Variants in NBEA observed in about 807,000 individuals in gnomAD.
NBEA encodes lysosomal-trafficking regulator 2.
NBEA carries 44 observed loss-of-function variants against 343.4 expected under a neutral mutation model. That is an observed-to-expected ratio of 0.13 (90% CI 0.10 to 0.16). NBEA has a LOEUF of 0.16. Ranked by LOEUF, NBEA falls within the 10% of genes least tolerant of loss-of-function variation. The probability of loss-of-function intolerance (pLI) is 1.00; values close to 1 mark genes in which losing one functional copy is unlikely to be tolerated. For synonymous variants in NBEA, 1,175 were observed against 1,238.7 expected (o/e 0.95, Z 1.08); for missense variants, 2,555 against 3,631.3 (o/e 0.70, Z 7.62).
intron 36 of NBEA, among the ~76,000 whole-genome samples, chr13:35,329,612 C>T (rs879007008): frequency 1.3e-5 from 2 of 152,014 alleles, no homozygotes; most frequent in South Asian, 4.1e-4. Flanking sequence ...CACATGATTC[C>T]ATTTATGTGA....
intron 39 of NBEA, among the ~76,000 whole-genome samples, chr13:35,449,513 T>A (rs533059787): frequency 6.6e-6 from 1 of 152,226 alleles, no homozygotes; most frequent in Admixed American, 6.5e-5. Flanking sequence ...TCCAGAAATA[T>A]AGCTGAGAAG....
chr13:35,057,372 C>T (rs907934747), intron 7 of NBEA, among the ~76,000 whole-genome samples: 1 of 152,106 alleles, frequency 6.6e-6, no homozygotes, highest in African/African-American at 2.4e-5. Context: ...GACCCTCCCC[C>T]TGTTTCTGGT....
chr13:35,498,854 C>G (rs1566226671), intron 41 of NBEA, among the ~76,000 whole-genome samples: 1 of 152,008 alleles, frequency 6.6e-6, no homozygotes, highest in Non-Finnish European at 1.5e-5. Flanking sequence ...CTCAGTTATG[C>G]CTGGTACAAA....
intron 1 of NBEA, among the ~76,000 whole-genome samples, chr13:34,956,654 G>A (rs1422150839): frequency 6.6e-6 from 1 of 151,996 alleles, no homozygotes; most frequent in Non-Finnish European, 1.5e-5. Context: ...TAATTTCTTT[G>A]TGATAAGAAC....
At chr13:35,012,124 A>C (rs1456813028) in intron 1 of NBEA, among the ~76,000 whole-genome samples, 1 of 152,228 alleles carries the variant, frequency 6.6e-6, no homozygotes, top group African/African-American at 2.4e-5. Context: ...ACTATAATAG[A>C]ATAGTACAGA....
intron 36 of NBEA, among the ~76,000 whole-genome samples, chr13:35,323,729 TAAATA>T (rs1336054785): frequency 2.0e-5 from 3 of 151,716 alleles, no homozygotes; most frequent in Non-Finnish European, 2.9e-5. Context: ...AATAAATAAA[TAAATA>T]AAATAAAATA....
At chr13:34,989,514 T>A (rs2060673902) in intron 1 of NBEA, among the ~76,000 whole-genome samples, 2 of 150,622 alleles carry the variant, frequency 1.3e-5, no homozygotes, top group South Asian at 4.2e-4. Context: ...AACCAAATCT[T>A]ATGGGAACTC....
intron 33 of NBEA, among the ~76,000 whole-genome samples, chr13:35,212,207 T>C (rs1171562044): frequency 6.6e-6 from 1 of 152,186 alleles, no homozygotes; most frequent in African/African-American, 2.4e-5. Flanking sequence ...ACCCTGACTT[T>C]TAATACTAAG....
intron 36 of NBEA, among the ~76,000 whole-genome samples, chr13:35,320,836 C>A (rs2038085163): frequency 6.6e-6 from 1 of 152,006 alleles, no homozygotes; most frequent in African/African-American, 2.4e-5. Context: ...CACTTTATTT[C>A]ATTAAGTTGA....
intron 41 of NBEA, among the ~76,000 whole-genome samples, chr13:35,485,018 C>G (rs2076260355): frequency 6.6e-6 from 1 of 152,020 alleles, no homozygotes; most frequent in Admixed American, 6.6e-5. Context: ...TCTAGATATA[C>G]TTACCACAAC....
In NBEA at chr13:35,145,010, A is replaced by G. The variant is rs74641639; in HGVS notation, c.2445+2633A>G. Among the ~76,000 whole-genome samples the G allele has an allele frequency of 5.3e-3, 808 of 152,294 alleles. 8 individuals carry two copies. The highest frequency in any genetic ancestry group is 0.018 in the African/African-American group (761 of 41,558). Reference sequence around the variant, plus strand: ...TGGTTTGAGCAGTGGGATTATATTGAAATTATGTAGCCAGGTAGCCTGTTA... The same window carrying G: ...TGGTTTGAGCAGTGGGATTATATTGGAATTATGTAGCCAGGTAGCCTGTTA... On this transcript the variant is annotated intron_variant, in intron 18 of 58. Transcript: ENST00000379939.
intron 56 of NBEA, among the ~76,000 whole-genome samples, chr13:35,666,172 T>G (rs1315810117): frequency 6.6e-6 from 1 of 151,452 alleles, no homozygotes; most frequent in Non-Finnish European, 1.5e-5. Flanking sequence ...TTTTTTTAAA[T>G]GAGTATAGTA....
intron 17 of NBEA, among the ~76,000 whole-genome samples, chr13:35,133,079 C>T (rs1566338437): frequency 6.6e-6 from 1 of 151,328 alleles, no homozygotes; most frequent in Non-Finnish European, 1.5e-5. Flanking sequence ...AAAGACAAGG[C>T]ACAAAGTGAA....
At chr13:35,660,309 G>A (rs534558366) in intron 55 of NBEA, among the ~76,000 whole-genome samples, 2 of 152,204 alleles carry the variant, frequency 1.3e-5, no homozygotes, top group South Asian at 4.2e-4. Flanking sequence ...CACATACAAG[G>A]TGCTTTATAG....
chr13:35,387,217 G>T (rs2042282832), intron 38 of NBEA, among the ~76,000 whole-genome samples: 1 of 152,036 alleles, frequency 6.6e-6, no homozygotes, highest in Admixed American at 6.6e-5. Flanking sequence ...TTTATCATGA[G>T]AAAAATTCAA....
intron 34 of NBEA, among the ~76,000 whole-genome samples, chr13:35,284,807 G>T (rs1231218480): frequency 6.6e-6 from 1 of 152,094 alleles, no homozygotes; most frequent in East Asian, 1.9e-4. Context: ...CACAGTGAGG[G>T]AATAGGAAGA....
intron 40 of NBEA, among the ~76,000 whole-genome samples, chr13:35,455,812 G>A (rs1594697278): frequency 6.6e-6 from 1 of 152,140 alleles, no homozygotes; most frequent in East Asian, 1.9e-4. Context: ...TAAGTAACTT[G>A]CCTAAGGTTA....
At chr13:35,517,166 T>C (rs1018152712) in intron 41 of NBEA, among the ~76,000 whole-genome samples, 2 of 152,214 alleles carry the variant, frequency 1.3e-5, no homozygotes, top group African/African-American at 4.8e-5. Flanking sequence ...TCCGAAATCC[T>C]AAACATGCTT....
intron 36 of NBEA, among the ~76,000 whole-genome samples, chr13:35,317,585 C>T (rs895888542): frequency 4.6e-5 from 7 of 152,046 alleles, no homozygotes; most frequent in Non-Finnish European, 8.8e-5. Flanking sequence ...CTTGGCTATA[C>T]GGGCTCTTTT....
Sources: allele counts gnomAD v4.1 joint callset (sites outside exome capture counted in the v4.1 genomes callset), GRCh38; gene constraint gnomAD v4.1.1; transcripts MANE v1.5; gene names NCBI Gene and HGNC (gene_info 2026-07-23, HGNC 2026-07-21).